Variants in SMG6 observed in about 807,000 individuals in gnomAD.
SMG6 encodes the protein telomerase-binding protein EST1A.
In SMG6, 66 loss-of-function variants were observed where a neutral mutation model predicts 142.2. The ratio of observed to expected loss-of-function variants is 0.46; its 90% CI spans 0.38 to 0.57. The LOEUF is 0.57. Among genes scored for constraint, SMG6 ranks in the 20% least tolerant of loss-of-function variants. The pLI is 0.00. For missense variants in SMG6, 1,793 were observed against 1,832.0 expected, an observed-to-expected ratio of 0.98 and a Z score of 0.39; for synonymous variants, 779 against 702.4, an observed-to-expected ratio of 1.11 and a Z score of -1.72.
intron 12 of SMG6, among the ~76,000 whole-genome samples, chr17:2,181,730 G>A (rs574700577): frequency 2.0e-5 from 3 of 152,348 alleles, no homozygotes; most frequent in South Asian, 2.1e-4. Context: ...CTGTAGCTTG[G>A]ACCACGTGCC....
At chr17:2,072,299 G>A (rs779649023) in intron 15 of SMG6, among the ~76,000 whole-genome samples, 20 of 152,210 alleles carry the variant, frequency 1.3e-4, no homozygotes, top group Middle Eastern at 3.4e-3. Flanking sequence ...AGCTGAGGTT[G>A]GGCCACAGTG....
chr17:2,233,869 C>G (rs2073570214), intron 10 of SMG6, among the ~76,000 whole-genome samples: 1 of 152,216 alleles, frequency 6.6e-6, no homozygotes, highest in South Asian at 2.1e-4. Context: ...TGGATGGCCA[C>G]CTCAGCTGCA....
At chr17:2,135,982 CTATA>C (rs1157833027) in intron 13 of SMG6, among the ~76,000 whole-genome samples, 4 of 144,084 alleles carry the variant, frequency 2.8e-5, no homozygotes, top group African/African-American at 7.8e-5. Flanking sequence ...CACACCTAGC[CTATA>C]TATATATTTA....
At chr17:2,184,301 TAC>T (rs1945533905) in intron 12 of SMG6, among the ~76,000 whole-genome samples, 1 of 148,776 alleles carries the variant, frequency 6.7e-6, no homozygotes, top group South Asian at 2.1e-4. Flanking sequence ...AGGCAGAGGC[TAC>T]AGTGAACTGA....
chr17:2,182,367 A>G (rs551831583), intron 12 of SMG6, among the ~76,000 whole-genome samples: 2 of 152,232 alleles, frequency 1.3e-5, no homozygotes, highest in South Asian at 4.1e-4. Context: ...CCTGGAGTGC[A>G]TTTTGGAAAC....
In SMG6 at chr17:2,298,902, A is replaced by C. The variant is rs1161010735; in HGVS notation, c.1847+4T>G. 1.2e-6 allele frequency: 2 copies of C among 1,610,612 alleles called. No homozygotes were observed. Among genetic ancestry groups the C allele is most frequent in the Admixed American group, 3.3e-5 (2 of 59,800 alleles). ...CCCTCCAGCCAGAATAGACCACATCATACCTGAGTTGCGCCATCTTCTCCA... is the reference window on the plus strand; with the variant it reads ...CCCTCCAGCCAGAATAGACCACATCCTACCTGAGTTGCGCCATCTTCTCCA... On this transcript the variant is annotated splice_donor_region_variant and intron_variant, in intron 2 of 18. Transcript: ENST00000263073.
chr17:2,268,698 T>C lies in SMG6; in HGVS notation c.2661+13949A>G, dbSNP rs540039165. Among the ~76,000 whole-genome samples the C allele has an allele frequency of 4.6e-5, 7 of 152,010 alleles. No homozygotes were observed. The South Asian group carries it at 6.2e-4, about 14-fold the overall frequency. ...AGGCCGAGGTGGGCGGATCACAAGGTAAGGAGATCGAGACCATCCTGGCTA... is the reference window on the plus strand; with the variant it reads ...AGGCCGAGGTGGGCGGATCACAAGGCAAGGAGATCGAGACCATCCTGGCTA... On this transcript the variant is annotated intron_variant, in intron 8 of 18. Transcript: ENST00000263073.
intron 8 of SMG6, chr17:2,266,040 C>T (rs1378592489): frequency 2.0e-6 from 2 of 985,210 alleles, no homozygotes; most frequent in Admixed American, 1.2e-4. Context: ...AAACACTTTA[C>T]CAGGAAGAGC....
rs1312878398 is a variant in SMG6 at position 2,172,751 on chromosome 17, A to G, written c.3264T>C (p.Leu1088=). 6.2e-7 allele frequency: 1 copy of G among 1,614,056 alleles called. No homozygotes were observed. The highest frequency in any genetic ancestry group is 8.5e-7 in the Non-Finnish European group (1 of 1,180,046). Residue 1088 remains leucine, a synonymous_variant, in exon 13 of 19, where the codon CTT becomes CTC. Transcript: ENST00000263073. ...LYKDPDDDLT[L]LILEEDRLLS... ...GAAGCCGATCCTCTTCCAGGATAAG[A>G]AGGGTGAGGTCATCATCCGGGTCCT...
chr17:2,249,036 G>T (rs568173085), intron 8 of SMG6, among the ~76,000 whole-genome samples: 3 of 151,308 alleles, frequency 2.0e-5, no homozygotes, highest in African/African-American at 4.9e-5. Context: ...ACAGGCGCCC[G>T]CCACCACGCC....
At chr17:2,256,451 C>A (rs1201881640) in intron 8 of SMG6, among the ~76,000 whole-genome samples, 1 of 151,824 alleles carries the variant, frequency 6.6e-6, no homozygotes, top group Admixed American at 6.6e-5. Flanking sequence ...TGGTGCAGAA[C>A]CAAGCATGAG....
Position 2,298,048 on chromosome 17 carries a change from G to A in SMG6, c.1855C>T (p.Leu619=). The A allele has an allele frequency of 6.2e-7, 1 of 1,600,156 alleles. No individual in the cohort carries two copies. Among genetic ancestry groups the A allele is most frequent in the Non-Finnish European group, 8.5e-7 (1 of 1,175,664 alleles). ...ATACAGCGCTCATATAGCTGCAGCAGTTCAGCTCTGGAATAAAATACATGC... is the reference window on the plus strand; with the variant it reads ...ATACAGCGCTCATATAGCTGCAGCAATTCAGCTCTGGAATAAAATACATGC... ...LEKMAQLRAE[L]LQLYERCILL... The change falls in exon 3 of 19, where the codon CTG becomes TTG. Residue 619 remains leucine (L), a synonymous_variant. Transcript: ENST00000263073.
At chr17:2,198,404 T>C (rs2151715283) in intron 10 of SMG6, among the ~76,000 whole-genome samples, 1 of 152,264 alleles carries the variant, frequency 6.6e-6, no homozygotes, top group African/African-American at 2.4e-5. Context: ...TTGGGAAAGT[T>C]CTGCATCTTG....
chr17:2,171,732 CTTTTTTT>C (rs370221402), intron 13 of SMG6, among the ~76,000 whole-genome samples: 179 of 138,214 alleles, frequency 1.3e-3, no homozygotes, highest in African/African-American at 4.5e-3. Context: ...GGAATTTTTA[CTTTTTTT>C]TTTTTTTTTT....
chr17:2,271,403 T>C (rs772416465), intron 8 of SMG6, among the ~76,000 whole-genome samples: 24 of 151,716 alleles, frequency 1.6e-4, no homozygotes, highest in Non-Finnish European at 2.9e-4. Context: ...GTCCAGGAGT[T>C]TGAAACCAGC....
At chr17:2,091,005 A>C (rs2068701384) in intron 13 of SMG6, among the ~76,000 whole-genome samples, 1 of 152,200 alleles carries the variant, frequency 6.6e-6, no homozygotes, top group African/African-American at 2.4e-5. Context: ...GCAATGGGTT[A>C]ATTATCATCT....
chr17:2,105,644 G>A (rs11654642), intron 13 of SMG6, among the ~76,000 whole-genome samples: 42,275 of 152,170 alleles, frequency 0.28, 7,610 homozygotes, highest in Admixed American at 0.38. Context: ...TTTGCCTTTA[G>A]AGGAACACAA....
At chr17:2,222,223 A>G (rs891538458) in intron 10 of SMG6, among the ~76,000 whole-genome samples, 13 of 152,110 alleles carry the variant, frequency 8.5e-5, no homozygotes, top group African/African-American at 2.7e-4. Context: ...CACATTAATT[A>G]TCTAGTATTT....
intron 8 of SMG6, among the ~76,000 whole-genome samples, chr17:2,249,066 T>G (rs1048808870): frequency 3.3e-5 from 5 of 151,466 alleles, no homozygotes; most frequent in Non-Finnish European, 7.4e-5. Context: ...TTTTTTTTTT[T>G]GTATTTTCAG....
Sources: gnomAD v4.1 joint callset for allele counts (sites outside exome capture counted in the v4.1 genomes callset) on GRCh38, gnomAD v4.1.1 for gene constraint, MANE v1.5 for transcripts, NCBI Gene and HGNC (gene_info 2026-07-23, HGNC 2026-07-21) for gene names.